TNS2: variants seen among roughly 807,000 people sequenced by gnomAD.
TNS2 encodes the protein tensin 2.
In TNS2, 77 loss-of-function variants were observed where a neutral mutation model predicts 155.7. That is an observed-to-expected ratio of 0.49 (90% CI 0.41 to 0.60). The LOEUF (loss-of-function observed/expected upper bound fraction) is 0.60, where lower values mean the gene tolerates loss of function less well. Among genes scored for constraint, TNS2 ranks in the 20% least tolerant of loss-of-function variants. The pLI, the probability that TNS2 is intolerant of heterozygous loss-of-function variation, is 0.00. For synonymous variants in TNS2, 726 were observed against 763.9 expected (o/e 0.95, Z 0.82); for missense variants, 1,703 against 1,868.8 (o/e 0.91, Z 1.64).
Position 53,063,777 on chromosome 12 carries a change from C to T in TNS2, c.4125C>T (p.Ser1375=), listed in dbSNP as rs1944461355. The T allele has an allele frequency of 6.2e-7, 1 of 1,614,212 alleles. No individual in the cohort carries two copies. Among genetic ancestry groups the T allele is most frequent in the Non-Finnish European group, 8.5e-7 (1 of 1,180,034 alleles). The change falls in exon 29 of 29, where the codon AGC becomes AGT. Residue 1375 remains serine, a synonymous_variant. Transcript: ENST00000314250. The surrounding 1 kb of genome is among the most constrained non-coding windows in gnomAD (Gnocchi z 5.6). ...GTTTCGTGGCCAAGAAGCCGGGAAG[C>T]CCCTGGGAGAATGTGTGTCACCTCT... ...IFGFVAKKPG[S]PWENVCHLFA...
intron 2 of TNS2, 181 bp from the exon 3 acceptor site, chr12:53,052,274 C>T (rs1943963673): frequency 1.3e-6 from 1 of 750,150 alleles, no homozygotes; most frequent in Admixed American, 2.3e-5. Flanking sequence ...GGCAGTAGTA[C>T]CCCACTGCCA....
At position 53,058,427 on chromosome 12, in the gene TNS2, C is replaced by A; in HGVS notation, c.1207C>A (p.Leu403Ile). The A allele has an allele frequency of 6.2e-7, 1 of 1,614,200 alleles. No homozygotes were observed. The change falls in exon 15 of 29, where the codon CTT (leucine) becomes ATT (isoleucine). Residue 403 changes from leucine (L) to isoleucine (I), a missense_variant. By Grantham distance (5) the Leu-to-Ile change is conservative. Transcript: ENST00000314250. The stretch of plus-strand genomic sequence containing the variant: ...ACAGCTCACTTTCCCCAAGGACCAG[C>A]TTGACGAGGCCTGGACTGGTGAGTC... ...GPQLTFPKDQLDEAWTDERFP... is the reference protein window; with the variant it reads ...GPQLTFPKDQIDEAWTDERFP...
In TNS2 at chr12:53,058,554, A is replaced by T; in HGVS notation, c.1226-18A>T. 6.2e-7 allele frequency: 1 copy of T among 1,613,938 alleles called. No homozygotes were observed. The highest frequency in any genetic ancestry group is 8.5e-7 in the Non-Finnish European group (1 of 1,179,962). On this transcript the variant is annotated intron_variant, in intron 15 of 28. Coordinates refer to ENST00000314250, the MANE Select transcript of TNS2 (RefSeq NM_170754.4). ...GTATGGGCCAGGGGCCTGGTTCTTC[A>T]CTGTCCACTCCCCATAGATGAGAGG...
chr12:53,054,383 G>A lies in TNS2; in HGVS notation c.464G>A (p.Arg155Gln), dbSNP rs764512514. 2 of 1,611,144 alleles carry A rather than the reference G, an allele frequency of 1.2e-6. No homozygotes were observed. Among genetic ancestry groups the A allele is most frequent in the Non-Finnish European group, 1.7e-6 (2 of 1,179,400 alleles). ...GCGCGGCCCGATGAACAGCGGCACC[G>A]GGGCCACCTGCGCGAGCTGGCCCAT... is the stretch of plus-strand genomic sequence containing the variant. ...FPARPDEQRH[R>Q]GHLRELAHVL... Residue 155 changes from arginine (R) to glutamine (Q), a missense_variant, in exon 7 of 29, where the codon CGG (arginine) becomes CAG (glutamine). Coordinates refer to ENST00000314250, the MANE Select transcript of TNS2 (RefSeq NM_170754.4).
rs759258170 is a variant in TNS2, at chr12:53,055,874, T to C, written c.761+29T>C. 3 of 1,594,648 alleles carry C rather than the reference T, an allele frequency of 1.9e-6. No homozygotes were observed. In the African/African-American group the frequency reaches 4.1e-5, roughly 22 times the overall value. On this transcript the variant is annotated intron_variant, in intron 10 of 28. Transcript: ENST00000314250. ...AGGCTCCCAGCGCCTGAGTAGCTGC[T>C]TCCCCAGTGGCCCTTTCTCCAGCTG...
At position 53,056,901 on chromosome 12, in the gene TNS2, C is replaced by T. The variant is rs1262902364; in HGVS notation, c.762-112C>T. 4 of 1,014,150 alleles carry T rather than the reference C, an allele frequency of 3.9e-6. No individual in the cohort carries two copies. In the African/African-American group the frequency reaches 6.4e-5, roughly 16 times the overall value. The allele number at this position is 1,014,150 out of a possible 1,614,324, so 62.8% of individuals were successfully genotyped here. The stretch of plus-strand genomic sequence containing the variant: ...TCATTCTCATTACCACTACTCTGGG[C>T]TTCTTCTAGACTTAGAGAATCATAT... On this transcript the variant is annotated intron_variant, in intron 10 of 28. Transcript: ENST00000314250.
rs569827875 is a variant in TNS2 at position 53,063,951 on chromosome 12, C to T, written c.*69C>T. ...CCCAGCACCCCACAGCCCTCACATC[C>T]CCTGGCCTGGACCCAGGAGACCCAG... is the stretch of plus-strand genomic sequence containing the variant. On this transcript the variant is annotated 3_prime_UTR_variant, in exon 29 of 29. Transcript: ENST00000314250. This position sits in a 1 kb window ranked among gnomAD's most constrained non-coding sequence, Gnocchi z 5.6. The T allele has an allele frequency of 2.6e-5, 41 of 1,569,178 alleles. No individual in the cohort carries two copies. In the Middle Eastern group the frequency reaches 1.0e-3, roughly 40 times the overall value.
At chr12:53,053,579 G>A (rs1191239673) in intron 4 of TNS2, 130 bp downstream of exon 4, 3 of 1,407,090 alleles carry the variant, frequency 2.1e-6, no homozygotes, top group African/African-American at 1.4e-5. Context: ...CTCATCCTAT[G>A]AGGAAAGAAA....
At position 53,051,837 on chromosome 12, in the gene TNS2, T is replaced by G. The variant is rs770461771; in HGVS notation, c.76-18T>G. On this transcript the variant is annotated intron_variant, in intron 1 of 28. Coordinates refer to ENST00000314250, the MANE Select transcript of TNS2 (RefSeq NM_170754.4). ...GCCCACTGGGAACTCACACCTCTGT[T>G]TGTCCCTCCACCTTCAGCCTAGGAA... 1.2e-6 allele frequency: 2 copies of G among 1,603,916 alleles called. No homozygotes were observed. The highest frequency in any genetic ancestry group is 2.7e-5 in the African/African-American group (2 of 74,700).
rs1347636998 is a variant in TNS2 at position 53,062,252 on chromosome 12, A to G, written c.3667+7A>G. On this transcript the variant is annotated splice_region_variant and intron_variant, in intron 23 of 28. Coordinates refer to ENST00000314250, the MANE Select transcript of TNS2 (RefSeq NM_170754.4). The stretch of plus-strand genomic sequence containing the variant: ...CCCAGTGAGCCCTACTTTGGTGAGA[A>G]GCAGGAGCCTGGGGAAGGCTACGTT... 4 of 1,613,892 alleles carry G rather than the reference A, an allele frequency of 2.5e-6. No individual in the cohort carries two copies. Among genetic ancestry groups the G allele is most frequent in the Non-Finnish European group, 8.5e-7 (1 of 1,179,874 alleles).
At position 53,050,279 on chromosome 12, in the gene TNS2, T is replaced by C; in HGVS notation, c.75+19T>C. 6.3e-7 allele frequency: 1 copy of C among 1,592,112 alleles called. No individual in the cohort carries two copies. Among genetic ancestry groups the C allele is most frequent in the Non-Finnish European group, 8.6e-7 (1 of 1,169,262 alleles). Reference sequence around the variant, plus strand: ...AAGCAGGGTAGGAGTGCCCACCAGCTGGGCAAAAGAGGGGCAGGGGTGGAG... The same window carrying C: ...AAGCAGGGTAGGAGTGCCCACCAGCCGGGCAAAAGAGGGGCAGGGGTGGAG... On this transcript the variant is annotated intron_variant, in intron 1 of 28. Coordinates refer to ENST00000314250, the MANE Select transcript of TNS2 (RefSeq NM_170754.4). The surrounding 1 kb of genome is among the most constrained non-coding windows in gnomAD (Gnocchi z 4.7).
In TNS2 at chr12:53,060,940, C is replaced by G; in HGVS notation, c.3034C>G (p.Leu1012Val). ...CCCTGTGCCCACCACACTTCCTGGC[C>G]TCCGCCACGCCCCCTGGCAAGGCCC... is the stretch of plus-strand genomic sequence containing the variant. ...RSPVPTTLPG[L>V]RHAPWQGPRG... Residue 1012 changes from leucine to valine, a missense_variant, in exon 20 of 29, where the codon CTC (leucine) becomes GTC (valine). Transcript: ENST00000314250. The surrounding 1 kb of genome is among the most constrained non-coding windows in gnomAD (Gnocchi z 6.1). The G allele has an allele frequency of 3.1e-6, 5 of 1,599,614 alleles. No individual in the cohort carries two copies. Among genetic ancestry groups the G allele is most frequent in the Non-Finnish European group, 4.3e-6 (5 of 1,173,434 alleles).
chr12:53,056,770 C>T (rs1944174024), intron 10 of TNS2, among the ~76,000 whole-genome samples: 1 of 152,178 alleles, frequency 6.6e-6, no homozygotes, highest in South Asian at 2.1e-4. Flanking sequence ...TATAATTCAA[C>T]CCATAAGATG....
Position 53,058,034 on chromosome 12 carries a change from G to A in TNS2, c.1027G>A (p.Ala343Thr), listed in dbSNP as rs1384191914. 1 of 1,614,094 alleles carries A rather than the reference G, an allele frequency of 6.2e-7. No individual in the cohort carries two copies. Among genetic ancestry groups the A allele is most frequent in the African/African-American group, 1.3e-5 (1 of 75,022 alleles). ...LVYTSGVYHI[A>T]GPGPQQLCIS... The stretch of plus-strand genomic sequence containing the variant: ...TCTCCTCTCTCCCCACAGTCACATT[G>A]CAGGCCCTGGTCCCCAGCAGCTTTG... The change falls in exon 14 of 29, where the codon GCA (alanine) becomes ACA (threonine). Residue 343 changes from alanine to threonine, a missense_variant. Ala to Thr is a moderately conservative substitution (Grantham distance 58). Transcript: ENST00000314250.
In TNS2 at chr12:53,058,149, G is replaced by T. The variant is rs191757901; in HGVS notation, c.1095+47G>T. 3.0e-4 allele frequency: 482 copies of T among 1,613,300 alleles called. 3 individuals carry two copies. In the African/African-American group the frequency reaches 5.9e-3, roughly 20 times the overall value. On this transcript the variant is annotated intron_variant, in intron 14 of 28. Transcript: ENST00000314250. ...AGAAGAATCCTGGAGATGGGGCAGG[G>T]GTTGGTGGTGTAACGGCACAGTCAC...
Position 53,059,546 on chromosome 12 carries a change from G to C in TNS2, c.1905G>C (p.Glu635Asp). The change falls in exon 18 of 29, where the codon GAG becomes GAC. Residue 635 changes from glutamate (E) to aspartate (D), a missense_variant. Glu to Asp is a conservative substitution (Grantham distance 45). Coordinates refer to ENST00000314250, the MANE Select transcript of TNS2 (RefSeq NM_170754.4). This position sits in a 1 kb window ranked among gnomAD's most constrained non-coding sequence, Gnocchi z 4.7. ...AGGGATCCCCCCAGGGCTACGCCGA[G>C]GCCTCGATGGAGAAGAGGCGCCTCT... ...GYEGSPQGYAEASMEKRRLCR... is the reference protein window; with the variant it reads ...GYEGSPQGYADASMEKRRLCR... 6.3e-7 allele frequency: 1 copy of C among 1,593,092 alleles called. No homozygotes were observed.
At position 53,059,702 on chromosome 12, in the gene TNS2, A is replaced by G; in HGVS notation, c.2061A>G (p.Leu687=). 6.2e-7 allele frequency: 1 copy of G among 1,613,162 alleles called. No individual in the cohort carries two copies. The highest frequency in any genetic ancestry group is 8.5e-7 in the Non-Finnish European group (1 of 1,179,922). ...TGGAGGACCCTGGGCTGCCTGCCCT[A>G]TACCCATGCCCAGCCTGCGAGGAGA... ...VILEDPGLPA[L]YPCPACEEKL... is the part of the protein sequence containing the mutation. The change falls in exon 18 of 29, where the codon CTA becomes CTG. Residue 687 remains leucine, a synonymous_variant. Coordinates refer to ENST00000314250, the MANE Select transcript of TNS2 (RefSeq NM_170754.4). The surrounding 1 kb of genome is among the most constrained non-coding windows in gnomAD (Gnocchi z 4.7).
Position 53,055,220 on chromosome 12 carries a change from C to T in TNS2, c.557C>T (p.Thr186Ile), listed in dbSNP as rs773363162. The part of the protein sequence containing the change: ...FNLSEKRHDL[T>I]RLNPKVQDFG... ...CTTTCAGAGAAAAGGCATGACCTGACCCGCTTAAACCCCAAGGTATGAAGG... is the reference window on the plus strand; with the variant it reads ...CTTTCAGAGAAAAGGCATGACCTGATCCGCTTAAACCCCAAGGTATGAAGG... The change falls in exon 8 of 29, where the codon ACC (threonine) becomes ATC (isoleucine). Residue 186 changes from threonine to isoleucine, a missense_variant. By Grantham distance (89) the Thr-to-Ile change is moderately conservative. Coordinates refer to ENST00000314250, the MANE Select transcript of TNS2 (RefSeq NM_170754.4). 2.5e-6 allele frequency: 4 copies of T among 1,614,064 alleles called. No individual in the cohort carries two copies. The highest frequency in any genetic ancestry group is 1.1e-5 in the South Asian group (1 of 91,070).
In TNS2 at chr12:53,055,974, C is replaced by A. The variant is rs1280431363; in HGVS notation, c.761+129C>A. 4.3e-6 allele frequency: 4 copies of A among 938,936 alleles called. No homozygotes were observed. In the Admixed American group the frequency reaches 1.0e-4, roughly 24 times the overall value. The allele number at this position is 938,936 out of a possible 1,614,324, so 58.2% of individuals were successfully genotyped here. A position where few individuals can be genotyped will look rare whatever the true frequency, so the allele number is the denominator to read the frequency against. On this transcript the variant is annotated intron_variant, in intron 10 of 28. Coordinates refer to ENST00000314250, the MANE Select transcript of TNS2 (RefSeq NM_170754.4). Reference sequence around the variant, plus strand: ...CTTTGCTGTCAGCTTAGCACTTCCACCTCCCTTTTATCACTAGTACTGCAA... The same window carrying A: ...CTTTGCTGTCAGCTTAGCACTTCCAACTCCCTTTTATCACTAGTACTGCAA...
Sources: allele counts gnomAD v4.1 joint callset (sites outside exome capture counted in the v4.1 genomes callset), GRCh38; gene constraint gnomAD v4.1.1; non-coding constraint Gnocchi (gnomAD v3.1); transcripts MANE v1.5; gene names NCBI Gene and HGNC (gene_info 2026-07-23, HGNC 2026-07-21).